Variants in SFI1 observed in about 807,000 individuals in gnomAD.
SFI1 encodes SFI1 centrin binding protein, also known as protein SFI1 homolog.
In SFI1, 195 loss-of-function variants were observed where a neutral mutation model predicts 207.5. The ratio of observed to expected loss-of-function variants is 0.94; its 90% CI spans 0.84 to 1.06. The LOEUF is 1.06. Ranked by LOEUF, SFI1 falls within the 50% of genes least tolerant of loss-of-function variation. The pLI, the probability that SFI1 is intolerant of heterozygous loss-of-function variation, is 0.00. For missense variants in SFI1, 1,634 were observed against 1,588.0 expected (o/e 1.03, Z -0.49); for synonymous variants, 630 against 598.9 (o/e 1.05, Z -0.76).
chr22:31,613,203 C>T lies in SFI1; in HGVS notation c.2552C>T (p.Ser851Leu), dbSNP rs372099956. 1.3e-4 allele frequency: 205 copies of T among 1,613,798 alleles called. No individual in the cohort carries two copies. Among genetic ancestry groups the T allele is most frequent in the Admixed American group, 1.8e-4 (11 of 60,020 alleles). ...TVRALWFWAF[S>L]LQAKVWATWL... is the part of the protein sequence containing the mutation. ...CGGGCCCTGTGGTTCTGGGCCTTCT[C>T]GCTGCAGGCAAAGGTAATTGGGGCT... Residue 851 changes from serine to leucine, a missense_variant, in exon 25 of 33, where the codon TCG becomes TTG. Coordinates refer to ENST00000400288, the MANE Select transcript of SFI1 (RefSeq NM_001007467.3).
At chr22:31,556,854 T>C (rs1602648502) in intron 6 of SFI1, 88 bp from the exon 7 acceptor site, 1 of 851,314 alleles carries the variant, frequency 1.2e-6, no homozygotes, top group East Asian at 2.6e-5. Context: ...GATTTAGGTA[T>C]TCAAAGGAGA....
intron 27 of SFI1, chr22:31,614,403 G>C (rs371310238): frequency 4.6e-4 from 183 of 395,544 alleles, no homozygotes; most frequent in African/African-American, 3.5e-3. Flanking sequence ...CTTGGGCCTC[G>C]GGGGAGATGT....
chr22:31,556,663 T>C (rs2148154554), intron 6 of SFI1, among the ~76,000 whole-genome samples: 1 of 152,324 alleles, frequency 6.6e-6, no homozygotes, highest in South Asian at 2.1e-4. Flanking sequence ...AATTGCAGAG[T>C]ATATCTATAG....
At chr22:31,551,476 A>C (rs755971103) in intron 6 of SFI1, among the ~76,000 whole-genome samples, 11 of 152,210 alleles carry the variant, frequency 7.2e-5, no homozygotes, top group Non-Finnish European at 1.2e-4. Flanking sequence ...CACCAAATGC[A>C]CTGTTTCACT....
chr22:31,584,447 C>T (rs1389333292), intron 13 of SFI1, among the ~76,000 whole-genome samples: 2 of 152,110 alleles, frequency 1.3e-5, no homozygotes, highest in Admixed American at 1.3e-4. Flanking sequence ...ATAAAAGTTG[C>T]CTGGCCCCCT....
rs777375534 is a variant in SFI1 at position 31,615,073 on chromosome 22, C to G, written c.3094C>G (p.Leu1032Val). Residue 1032 changes from leucine to valine, a missense_variant, in exon 29 of 33, where the codon CTA (leucine) becomes GTA (valine). By Grantham distance (32) the Leu-to-Val change is conservative. Transcript: ENST00000400288. The part of the protein sequence containing the change: ...QRPQKPQEHG[L>V]GMAQPAAPSL... ...GCCTCAGAAGCCACAGGAACATGGC[C>G]TAGGCATGGCTCAGCCAGCAGCCCC... 1 of 1,608,512 alleles carries G rather than the reference C, an allele frequency of 6.2e-7. No homozygotes were observed. Among genetic ancestry groups the G allele is most frequent in the South Asian group, 1.1e-5 (1 of 90,734 alleles).
In SFI1 at chr22:31,617,186, G is replaced by A. The variant is rs111292030; in HGVS notation, c.3512+108G>A. 9.8e-3 allele frequency: 11,744 copies of A among 1,195,852 alleles called. 103 individuals carry two copies. Among genetic ancestry groups the A allele is most frequent in the Middle Eastern group, 0.037 (138 of 3,696 alleles). The allele number at this position is 1,195,852 out of a possible 1,614,324, so 74.1% of individuals were successfully genotyped here. ...CGAGCCAGCTGCCAGGGTCCTGTAG[G>A]TGGTCTCGGTCTAGCCATGGAGGGG... On this transcript the variant is annotated intron_variant, in intron 31 of 32. Coordinates refer to ENST00000400288, the MANE Select transcript of SFI1 (RefSeq NM_001007467.3).
chr22:31,618,158 C>A lies in SFI1; in HGVS notation c.3556C>A (p.Leu1186Met). 6.3e-7 allele frequency: 1 copy of A among 1,591,494 alleles called. No homozygotes were observed. The highest frequency in any genetic ancestry group is 2.3e-5 in the East Asian group (1 of 44,110). The change falls in exon 32 of 33, where the codon CTG becomes ATG. Residue 1186 changes from leucine to methionine, a missense_variant. Leu to Met is a conservative substitution (Grantham distance 15). Transcript: ENST00000400288. Reference sequence around the variant, plus strand: ...GAGCAGCCTGCGCAGGTGGCTGGAGCTGAACAGAGAGGAGCCGGGGCCTGA... The same window carrying A: ...GAGCAGCCTGCGCAGGTGGCTGGAGATGAACAGAGAGGAGCCGGGGCCTGA... The part of the protein sequence containing the change: ...QASSLRRWLE[L>M]NREEPGPEDQ...
chr22:31,525,799 C>A (rs1400957660), intron 2 of SFI1, among the ~76,000 whole-genome samples: 1 of 152,064 alleles, frequency 6.6e-6, no homozygotes, highest in East Asian at 1.9e-4. Flanking sequence ...ACTCTCTGTT[C>A]TGTTCCATTG....
intron 2 of SFI1, among the ~76,000 whole-genome samples, chr22:31,525,208 G>C (rs1404308695): frequency 6.6e-6 from 1 of 152,106 alleles, no homozygotes; most frequent in Non-Finnish European, 1.5e-5. Flanking sequence ...CTGTGCTTTT[G>C]ATGTTTTATT....
chr22:31,551,285 C>T (rs564699427), intron 6 of SFI1, among the ~76,000 whole-genome samples: 4 of 152,164 alleles, frequency 2.6e-5, no homozygotes, highest in Non-Finnish European at 5.9e-5. Flanking sequence ...TTCTGCTTTG[C>T]ACCCTCTGCC....
intron 24 of SFI1, chr22:31,612,213 C>A: frequency 2.8e-6 from 1 of 360,962 alleles, no homozygotes; most frequent in Non-Finnish European, 3.8e-6. Flanking sequence ...CCCGTCTCTA[C>A]TAAAAATACA....
At chr22:31,596,012 G>T (rs1031335556) in intron 15 of SFI1, among the ~76,000 whole-genome samples, 1 of 152,108 alleles carries the variant, frequency 6.6e-6, no homozygotes, top group Non-Finnish European at 1.5e-5. Flanking sequence ...CAGCACTTTG[G>T]GAGGCAGAGG....
In SFI1 at chr22:31,534,874, C is replaced by CT. The variant is rs762234189; in HGVS notation, c.338+3759dup. 4.7e-3 allele frequency among the ~76,000 whole-genome samples: 660 copies of CT among 139,906 alleles called. 1 individual carries two copies. Among genetic ancestry groups the CT allele is most frequent in the Middle Eastern group, 7.4e-3 (2 of 270 alleles). 91.8% of individuals were successfully genotyped at this position (139,906 alleles called of 152,430 possible). On this transcript the variant is annotated intron_variant, in intron 4 of 32. Transcript: ENST00000400288. ...TTCTTTCCTCATATAACTTCAAATG[C>CT]TTTTTTTTTTTTTTCCTGAGACCGC...
chr22:31,575,451 A>C, intron 10 of SFI1, 59 bp downstream of exon 10: 1 of 1,464,938 alleles, frequency 6.8e-7, no homozygotes, highest in Non-Finnish European at 9.1e-7. Context: ...TGAGCTCAGC[A>C]GCATGTGAAA....
At chr22:31,590,759 TC>T (rs1266710722) in intron 15 of SFI1, among the ~76,000 whole-genome samples, 4 of 150,758 alleles carry the variant, frequency 2.7e-5, no homozygotes, top group Admixed American at 1.3e-4. Flanking sequence ...TGCCTGGGCC[TC>T]CCAAAGTGCT....
intron 1 of SFI1, among the ~76,000 whole-genome samples, chr22:31,504,277 T>C (rs1417336095): frequency 2.0e-5 from 3 of 152,180 alleles, no homozygotes. Context: ...CTCCATTTGA[T>C]TTATTTATAG....
chr22:31,583,875 C>G lies in SFI1; in HGVS notation c.1249C>G (p.Leu417Val), dbSNP rs1398981927. Reference sequence around the variant, plus strand: ...CCATCTTCTTCCTCCCTTGCTTTAGCTGCTGCACAGGTTCTGGAACCTCTG... The same window carrying G: ...CCATCTTCTTCCTCCCTTGCTTTAGGTGCTGCACAGGTTCTGGAACCTCTG... ...NLAHQQHGVT[L>V]LHRFWNLWRS... The change falls in exon 13 of 33, where the codon CTG becomes GTG. Residue 417 changes from leucine (L) to valine (V), a missense_variant and splice_region_variant. Physicochemically the swap from Leu to Val is conservative, Grantham distance 32. Coordinates refer to ENST00000400288, the MANE Select transcript of SFI1 (RefSeq NM_001007467.3). 3 of 1,613,716 alleles carry G rather than the reference C, an allele frequency of 1.9e-6. No homozygotes were observed. Among genetic ancestry groups the G allele is most frequent in the Non-Finnish European group, 2.5e-6 (3 of 1,179,764 alleles).
intron 2 of SFI1, among the ~76,000 whole-genome samples, chr22:31,526,558 A>G (rs1427417745): frequency 6.6e-6 from 1 of 152,096 alleles, no homozygotes; most frequent in Admixed American, 6.6e-5. Flanking sequence ...AACCATATCA[A>G]TACCTATGTT....
Sources: allele counts gnomAD v4.1 joint callset (sites outside exome capture counted in the v4.1 genomes callset), GRCh38; gene constraint gnomAD v4.1.1; transcripts MANE v1.5; gene names NCBI Gene and HGNC (gene_info 2026-07-23, HGNC 2026-07-21).